The following ATOX1 variants were observed in gnomAD, a reference collection of about 807,000 sequenced individuals.
The protein encoded by ATOX1 is copper transport protein ATOX1.
Under a neutral mutation model 7.3 loss-of-function variants are expected in ATOX1, and 4 were observed. The observed-to-expected ratio is 0.55, with a 90% CI of 0.27 to 1.25. ATOX1 has a LOEUF of 1.25. Among genes scored for constraint, ATOX1 ranks in the 50% most tolerant of loss-of-function variants. ATOX1 has a pLI of 0.12. For missense variants in ATOX1, 68 were observed against 81.6 expected (o/e 0.83, Z 0.64); for synonymous variants, 25 against 28.7 (o/e 0.87, Z 0.41).
chr5:151,754,123 G>A (rs1241761270), intron 1 of ATOX1: 1 of 152,154 alleles, frequency 6.6e-6, no homozygotes, highest in Non-Finnish European at 1.5e-5. Flanking sequence ...AGGATTTGTA[G>A]TAAGTATTAC....
At chr5:151,757,659 A>G (rs1385615233) in intron 1 of ATOX1, among the ~76,000 whole-genome samples, 1 of 152,176 alleles carries the variant, frequency 6.6e-6, no homozygotes, top group Non-Finnish European at 1.5e-5. Context: ...CCTAACCAAG[A>G]TGCAACTGAG....
At chr5:151,752,144 A>G in intron 1 of ATOX1, 1 of 637,328 alleles carries the variant, frequency 1.6e-6, no homozygotes, top group Non-Finnish European at 2.8e-6. Flanking sequence ...TCTGACAGGG[A>G]TGGGCCCCCA....
At chr5:151,743,553 G>GTATT (rs1281778816) in intron 3 of ATOX1, 2 of 152,130 alleles carry the variant, frequency 1.3e-5, no homozygotes, top group Admixed American at 6.6e-5. Flanking sequence ...AACAATACAT[G>GTATT]GTTACTGAAA....
At position 151,752,199 on chromosome 5, in the gene ATOX1, A is replaced by G. The variant is rs1030746557; in HGVS notation, c.7-420T>C. 2.3e-5 allele frequency: 16 copies of G among 701,188 alleles called. 1 individual carries two copies. The highest frequency in any genetic ancestry group is 1.0e-4 in the South Asian group (7 of 67,508). 43.4% of individuals were successfully genotyped at this position (701,188 alleles called of 1,614,324 possible). Reference sequence around the variant, plus strand: ...CTGGTGGGCCCACTTATGAACCACAAAATTATTTTCTGCACTAGAGTCACC... The same window carrying G: ...CTGGTGGGCCCACTTATGAACCACAGAATTATTTTCTGCACTAGAGTCACC... On this transcript the variant is annotated intron_variant, in intron 1 of 3. Coordinates refer to ENST00000313115, the MANE Select transcript of ATOX1 (RefSeq NM_004045.4).
At chr5:151,752,387 G>A in intron 1 of ATOX1, 1 of 697,926 alleles carries the variant, frequency 1.4e-6, no homozygotes, top group East Asian at 2.7e-5. Flanking sequence ...TCCCCAGTGG[G>A]TTGGAGGCCA....
chr5:151,748,444 C>T (rs892914612), intron 2 of ATOX1, among the ~76,000 whole-genome samples: 1 of 152,078 alleles, frequency 6.6e-6, no homozygotes, highest in Non-Finnish European at 1.5e-5. Context: ...TCTTTTAGGG[C>T]CATAAGCAAC....
At chr5:151,751,876 G>C in intron 1 of ATOX1, 97 bp from the exon 2 acceptor site, 1 of 1,234,852 alleles carries the variant, frequency 8.1e-7, no homozygotes, top group Non-Finnish European at 1.2e-6. Context: ...ACAGAAGACA[G>C]AGAGACTGGG....
rs1416257698 is a variant in ATOX1, at chr5:151,751,792, CAG to C, written c.7-15_7-14del. ...AGAACTCGTGCTTCTGAAACAAACA[CAG>C]GGGGACCATGACCCGAGCCCTGTAG... On this transcript the variant is annotated splice_polypyrimidine_tract_variant and intron_variant, in intron 1 of 3. Transcript: ENST00000313115. 6.3e-7 allele frequency: 1 copy of C among 1,598,980 alleles called. No individual in the cohort carries two copies.
chr5:151,753,955 C>A (rs997539482), intron 1 of ATOX1: 3 of 152,214 alleles, frequency 2.0e-5, no homozygotes, highest in African/African-American at 7.2e-5. Context: ...GACTGTTTGA[C>A]CTTTGTGACT....
Position 151,746,266 on chromosome 5 carries a change from G to A in ATOX1, c.*46+13C>T. The stretch of plus-strand genomic sequence containing the variant: ...CTGTAGGTTTGTTCAGCAAGTGCTG[G>A]GGCCTTACCCACCTGCCCCCTTTGG... On this transcript the variant is annotated intron_variant, in intron 3 of 3. Transcript: ENST00000313115. 2.5e-6 allele frequency: 4 copies of A among 1,602,222 alleles called. No homozygotes were observed. Among genetic ancestry groups the A allele is most frequent in the Non-Finnish European group, 2.6e-6 (3 of 1,175,534 alleles).
At chr5:151,751,655 T>C (rs757080953) in intron 2 of ATOX1, 49 bp downstream of exon 2, 2 of 1,554,238 alleles carry the variant, frequency 1.3e-6, no homozygotes, top group Non-Finnish European at 8.7e-7. Flanking sequence ...AACATCTGCA[T>C]GCATCTGAAC....
chr5:151,747,949 T>G (rs1761898946), intron 2 of ATOX1, among the ~76,000 whole-genome samples: 2 of 152,336 alleles, frequency 1.3e-5, no homozygotes, highest in South Asian at 4.1e-4. Context: ...ATCCACTTAA[T>G]TAATCCACTG....
At chr5:151,755,520 G>A (rs954306128) in intron 1 of ATOX1, among the ~76,000 whole-genome samples, 3 of 152,146 alleles carry the variant, frequency 2.0e-5, no homozygotes, top group Admixed American at 1.3e-4. Flanking sequence ...CTCAGCAGAA[G>A]CTCTGAAACT....
intron 1 of ATOX1, 80 bp from the exon 2 acceptor site, chr5:151,751,859 G>C: frequency 7.1e-7 from 1 of 1,407,002 alleles, no homozygotes; most frequent in Non-Finnish European, 9.8e-7. Flanking sequence ...GCCCACTCAG[G>C]GTCAAGACAG....
Position 151,743,483 on chromosome 5 carries a change from C to T in ATOX1, c.*47-524G>A, listed in dbSNP as rs548380692. Reference sequence around the variant, plus strand: ...TGCTGCCTGAGCATGTGGACTAAAGCTGGCTTATTGGGTGATTCTTACTGA... The same window carrying T: ...TGCTGCCTGAGCATGTGGACTAAAGTTGGCTTATTGGGTGATTCTTACTGA... On this transcript the variant is annotated intron_variant, in intron 3 of 3. Coordinates refer to ENST00000313115, the MANE Select transcript of ATOX1 (RefSeq NM_004045.4). 9.2e-5 allele frequency: 14 copies of T among 152,326 alleles called. 1 individual carries two copies. In the South Asian group the frequency reaches 2.9e-3, roughly 32 times the overall value. The allele number at this position is 152,326 out of a possible 1,614,324, so 9.4% of individuals were successfully genotyped here. A position where few individuals can be genotyped will look rare whatever the true frequency, so the allele number is the denominator to read the frequency against.
chr5:151,750,558 A>C (rs746678629), intron 2 of ATOX1, among the ~76,000 whole-genome samples: 12 of 149,590 alleles, frequency 8.0e-5, no homozygotes, highest in Non-Finnish European at 1.5e-4. Flanking sequence ...AAATTAATTT[A>C]AATTTTTTTT....
intron 2 of ATOX1, chr5:151,746,660 T>C (rs1017112673): frequency 1.9e-6 from 1 of 520,008 alleles, no homozygotes; most frequent in Non-Finnish European, 3.4e-6. Flanking sequence ...TTCTGTGTAT[T>C]TTTTTTATAA....
chr5:151,756,756 G>A (rs894664728), intron 1 of ATOX1, among the ~76,000 whole-genome samples: 8 of 152,098 alleles, frequency 5.3e-5, no homozygotes, highest in Non-Finnish European at 7.4e-5. Flanking sequence ...TTACAGGCGT[G>A]AGCCACCATG....
chr5:151,746,315 C>A lies in ATOX1; in HGVS notation c.*10G>T, dbSNP rs749135060. On this transcript the variant is annotated 3_prime_UTR_variant, in exon 3 of 4. Coordinates refer to ENST00000313115, the MANE Select transcript of ATOX1 (RefSeq NM_004045.4). Reference sequence around the variant, plus strand: ...GGTCCATCCTGTGGGCTGTGGGGACCAGGCCCCTGCTACTCAAGGCCAAGG... The same window carrying A: ...GGTCCATCCTGTGGGCTGTGGGGACAAGGCCCCTGCTACTCAAGGCCAAGG... The A allele has an allele frequency of 3.1e-5, 50 of 1,612,482 alleles. No individual in the cohort carries two copies. Among genetic ancestry groups the A allele is most frequent in the Non-Finnish European group, 4.1e-5 (48 of 1,179,444 alleles).
Sources: allele counts gnomAD v4.1 joint callset (sites outside exome capture counted in the v4.1 genomes callset), GRCh38; gene constraint gnomAD v4.1.1; transcripts MANE v1.5; gene names NCBI Gene and HGNC (gene_info 2026-07-23, HGNC 2026-07-21).